NCKAP5: variants seen among roughly 807,000 people sequenced by gnomAD.
NCKAP5 encodes nck-associated protein 5.
A neutral mutation model predicts 167.0 loss-of-function variants in NCKAP5; 92 were observed. The ratio of observed to expected loss-of-function variants is 0.55; its 90% CI spans 0.47 to 0.66. The LOEUF (loss-of-function observed/expected upper bound fraction) is 0.66. Ranked by LOEUF, NCKAP5 falls within the 30% of genes least tolerant of loss-of-function variation. The pLI is 0.00. For missense variants in NCKAP5, 2,378 were observed against 2,315.0 expected (o/e 1.03, Z -0.56); for synonymous variants, 891 against 877.4 (o/e 1.02, Z -0.27).
chr2:132,701,294 A>G (rs1422300818), intron 19 of NCKAP5, among the ~76,000 whole-genome samples: 1 of 152,174 alleles, frequency 6.6e-6, no homozygotes, highest in Non-Finnish European at 1.5e-5. Context: ...ATAAGAGAGC[A>G]GGGTGCCATC....
chr2:132,844,551 C>T (rs555548210), intron 11 of NCKAP5, among the ~76,000 whole-genome samples: 1 of 152,200 alleles, frequency 6.6e-6, no homozygotes, highest in Non-Finnish European at 1.5e-5. Context: ...ATCACATAAC[C>T]TGTATTGCTT....
intron 6 of NCKAP5, among the ~76,000 whole-genome samples, chr2:133,053,382 A>C (rs529852109): frequency 1.1e-3 from 166 of 152,314 alleles, no homozygotes; most frequent in Non-Finnish European, 1.9e-3. Context: ...TCTTTGGTCT[A>C]GTGGTAAATG....
chr2:132,715,837 C>T (rs1225093185), intron 19 of NCKAP5, among the ~76,000 whole-genome samples: 1 of 152,204 alleles, frequency 6.6e-6, no homozygotes, highest in East Asian at 1.9e-4. Context: ...GCCTGGTGCA[C>T]CTGCTGGGCA....
At chr2:132,711,342 T>G (rs182218558) in intron 19 of NCKAP5, among the ~76,000 whole-genome samples, 1 of 152,316 alleles carries the variant, frequency 6.6e-6, no homozygotes, top group Admixed American at 6.5e-5. Flanking sequence ...TTGGGAAATT[T>G]ATTTATAATA....
At chr2:133,578,122 C>T in the NCKAP5 span, among the ~76,000 whole-genome samples, 1 of 152,152 alleles carries the variant, frequency 6.6e-6, no homozygotes, top group African/African-American at 2.4e-5. Flanking sequence ...TGCCTAACAC[C>T]ATCTAATTGC....
At chr2:133,010,103 A>T (rs1228350503) in intron 6 of NCKAP5, among the ~76,000 whole-genome samples, 1 of 151,932 alleles carries the variant, frequency 6.6e-6, no homozygotes, top group Non-Finnish European at 1.5e-5. Flanking sequence ...AAAAAAACAA[A>T]CAGAGGCTCT....
intron 3 of NCKAP5, 95 bp downstream of exon 3, chr2:133,517,363 G>C: frequency 1.8e-6 from 1 of 552,206 alleles, no homozygotes; most frequent in Non-Finnish European, 3.0e-6. Context: ...CTGGAAGAGA[G>C]GTTTCAAAAG....
intron 5 of NCKAP5, among the ~76,000 whole-genome samples, chr2:133,151,452 T>TA (rs566104832): frequency 6.6e-6 from 1 of 151,212 alleles, no homozygotes; most frequent in Non-Finnish European, 1.5e-5. Flanking sequence ...AGCTCAACAA[T>TA]AAAAAAAACC....
At chr2:132,926,300 C>A in intron 8 of NCKAP5, 1 of 207,358 alleles carries the variant, frequency 4.8e-6, no homozygotes, top group South Asian at 6.5e-5. Context: ...CACTGATGGA[C>A]ACTTAGGGTT....
At chr2:133,433,127 AGAT>A (rs1221932497) in intron 3 of NCKAP5, among the ~76,000 whole-genome samples, 1 of 152,232 alleles carries the variant, frequency 6.6e-6, no homozygotes, top group African/African-American at 2.4e-5. Context: ...TTTTTAAAAG[AGAT>A]GATAACTAAA....
At chr2:132,730,433 T>C (rs1690883634) in intron 17 of NCKAP5, among the ~76,000 whole-genome samples, 3 of 152,138 alleles carry the variant, frequency 2.0e-5, no homozygotes, top group African/African-American at 7.2e-5. Context: ...AAGTGGAGGT[T>C]GCAGAGAGCC....
chr2:133,508,519 G>C (rs58453861), intron 3 of NCKAP5, among the ~76,000 whole-genome samples: 1,554 of 152,292 alleles, frequency 0.01, 25 homozygotes, highest in African/African-American at 0.036. Flanking sequence ...CTGTGTTTCA[G>C]ACCAAGTAGG....
chr2:133,496,407 G>C (rs960968691), intron 3 of NCKAP5, among the ~76,000 whole-genome samples: 42 of 151,992 alleles, frequency 2.8e-4, no homozygotes, highest in Non-Finnish European at 1.0e-4. Context: ...CCCTTCCCTT[G>C]GCCATTTATA....
At chr2:133,390,911 C>T (rs1482238231) in intron 3 of NCKAP5, among the ~76,000 whole-genome samples, 5 of 152,190 alleles carry the variant, frequency 3.3e-5, no homozygotes, top group Non-Finnish European at 7.3e-5. Flanking sequence ...TTTTAGTTTT[C>T]ATTCACACAT....
intron 8 of NCKAP5, among the ~76,000 whole-genome samples, chr2:132,935,980 CT>C (rs200071013): frequency 0.099 from 14,044 of 141,610 alleles, 2,024 homozygotes; most frequent in African/African-American, 0.33. Flanking sequence ...TATTTTTTTT[CT>C]TTTTTTTTTT....
chr2:132,801,031 T>C (rs1201395754), intron 11 of NCKAP5, among the ~76,000 whole-genome samples: 4 of 152,192 alleles, frequency 2.6e-5, no homozygotes, highest in African/African-American at 7.2e-5. Context: ...GTTCTAGTCA[T>C]GGAGCCTGAG....
At chr2:133,564,506 T>A (rs1688405074) in intron 1 of NCKAP5, among the ~76,000 whole-genome samples, 1 of 152,144 alleles carries the variant, frequency 6.6e-6, no homozygotes, top group African/African-American at 2.4e-5. Flanking sequence ...TCAAATTCAC[T>A]AGAATCTAGT....
chr2:133,403,887 A>ATGTGTGTGTGTGTGTGTG (rs138024785), intron 3 of NCKAP5, among the ~76,000 whole-genome samples: 11 of 148,118 alleles, frequency 7.4e-5, no homozygotes, highest in African/African-American at 2.5e-4. Flanking sequence ...AGTCAGGTGG[A>ATGTGTGTGTGTGTGTGTG]TGTGTGTGTG....
At chr2:132,710,689 A>C (rs1296519146) in intron 19 of NCKAP5, among the ~76,000 whole-genome samples, 6 of 152,224 alleles carry the variant, frequency 3.9e-5, no homozygotes, top group Non-Finnish European at 7.3e-5. Flanking sequence ...CCAAGGAATT[A>C]AGCTCATTTT....
Sources: allele counts gnomAD v4.1 joint callset (sites outside exome capture counted in the v4.1 genomes callset), GRCh38; gene constraint gnomAD v4.1.1; transcripts MANE v1.5; gene names NCBI Gene and HGNC (gene_info 2026-07-23, HGNC 2026-07-21).